Variants in MYO3A observed in about 807,000 individuals in gnomAD.
MYO3A encodes the protein myosin IIIA, also known as myosin-IIIa.
In MYO3A, 180 loss-of-function variants were observed where a neutral mutation model predicts 192.7. That is an observed-to-expected ratio of 0.93 (90% CI 0.83 to 1.06). The LOEUF (loss-of-function observed/expected upper bound fraction) is 1.06. MYO3A is among the 50% of genes least tolerant of loss of function. The pLI, the probability that MYO3A is intolerant of heterozygous loss-of-function variation, is 0.00. For missense variants in MYO3A, 1,896 were observed against 1,905.0 expected, an observed-to-expected ratio of 1.00 and a Z score of 0.09; for synonymous variants, 628 against 645.3, an observed-to-expected ratio of 0.97 and a Z score of 0.41.
intron 4 of MYO3A, among the ~76,000 whole-genome samples, chr10:25,961,575 T>A (rs989420646): frequency 6.6e-6 from 1 of 151,970 alleles, no homozygotes; most frequent in African/African-American, 2.4e-5. Flanking sequence ...AAAAAAAGAA[T>A]AAATTTAGTT....
chr10:26,158,262 T>TA (rs1564607082), intron 26 of MYO3A, among the ~76,000 whole-genome samples: 4 of 152,092 alleles, frequency 2.6e-5, no homozygotes, highest in South Asian at 2.1e-4. Flanking sequence ...TTATTTTTTT[T>TA]TTTTTTTTGA....
intron 14 of MYO3A, among the ~76,000 whole-genome samples, chr10:26,080,536 G>GT (rs146699943): frequency 3.6e-3 from 322 of 90,406 alleles, no homozygotes; most frequent in Middle Eastern, 0.021. Context: ...GTAAATCTGG[G>GT]TTTTTTTTTT....
In MYO3A at chr10:26,106,296, G is replaced by A. The variant is rs919888272; in HGVS notation, c.1776+9614G>A. Reference sequence around the variant, plus strand: ...ACTTTTTGTCTTACAACTTTGTTTAGATGCTGTTTCGAGTTTTTAATAATA... The same window carrying A: ...ACTTTTTGTCTTACAACTTTGTTTAAATGCTGTTTCGAGTTTTTAATAATA... On this transcript the variant is annotated intron_variant, in intron 17 of 34. Coordinates refer to ENST00000642920, the MANE Select transcript of MYO3A (RefSeq NM_017433.5). 3.3e-5 allele frequency among the ~76,000 whole-genome samples: 5 copies of A among 151,966 alleles called. No homozygotes were observed. The East Asian group carries it at 9.6e-4, about 29-fold the overall frequency.
intron 31 of MYO3A, among the ~76,000 whole-genome samples, chr10:26,180,353 A>T (rs1842561985): frequency 6.6e-6 from 1 of 152,228 alleles, no homozygotes; most frequent in Non-Finnish European, 1.5e-5. Flanking sequence ...AAGCAGAAGG[A>T]TATTCTTTAA....
chr10:25,997,372 G>A (rs1366220962), intron 6 of MYO3A, 114 bp downstream of exon 6: 2 of 821,236 alleles, frequency 2.4e-6, no homozygotes, highest in Non-Finnish European at 4.1e-6. Context: ...GGAAAAATCA[G>A]TAGTATCTTA....
At chr10:26,035,209 A>G (rs1357002245) in intron 10 of MYO3A, among the ~76,000 whole-genome samples, 4 of 152,130 alleles carry the variant, frequency 2.6e-5, no homozygotes, top group Non-Finnish European at 5.9e-5. Context: ...TGTCTTAAAT[A>G]TTTCCTTATG....
chr10:26,165,680 A>C (rs907937917), intron 26 of MYO3A, among the ~76,000 whole-genome samples: 2 of 105,988 alleles, frequency 1.9e-5, no homozygotes, highest in African/African-American at 6.8e-5. Context: ...TTTTGTTAAC[A>C]CTCAATGTGA....
rs377347636 is a variant in MYO3A at position 26,178,161 on chromosome 10, G to A, written c.4438+1316G>A. ...GGCCAGGGCTTCAGGTTCCCTCATG[G>A]TCACAGAAGTGGCAGCACTGGTGAG... On this transcript the variant is annotated intron_variant, in intron 31 of 34. Transcript: ENST00000642920. Among the ~76,000 whole-genome samples, 42 of 152,342 alleles carry A rather than the reference G, an allele frequency of 2.8e-4. 1 individual carries two copies. Among genetic ancestry groups the A allele is most frequent in the African/African-American group, 1.0e-3 (42 of 41,586 alleles).
At position 26,050,455 on chromosome 10, in the gene MYO3A, A is replaced by G. The variant is rs200500003; in HGVS notation, c.954-16520A>G. ...GCAGCGGCTCTGGTAATACAGCTCT[A>G]TATGTTAAAGGGACTGTGCCACTCC... On this transcript the variant is annotated intron_variant, in intron 10 of 34. Coordinates refer to ENST00000642920, the MANE Select transcript of MYO3A (RefSeq NM_017433.5). 1.3e-4 allele frequency among the ~76,000 whole-genome samples: 20 copies of G among 152,306 alleles called. 1 individual carries two copies. In the East Asian group the frequency reaches 2.7e-3, roughly 21 times the overall value.
chr10:26,037,774 C>T (rs753419087), intron 10 of MYO3A, among the ~76,000 whole-genome samples: 4 of 151,960 alleles, frequency 2.6e-5, no homozygotes, highest in African/African-American at 7.3e-5. Context: ...GGTGGAAGGG[C>T]GAAAGGGAAG....
chr10:26,079,691 G>T (rs1279590908), intron 14 of MYO3A, among the ~76,000 whole-genome samples: 1 of 152,098 alleles, frequency 6.6e-6, no homozygotes, highest in African/African-American at 2.4e-5. Context: ...GCTCCTTTTA[G>T]CAGTTCTTAT....
At chr10:26,023,121 C>A (rs549546030) in intron 8 of MYO3A, 2 of 152,314 alleles carry the variant, frequency 1.3e-5, no homozygotes, top group African/African-American at 4.8e-5. Context: ...AATTAGCAAT[C>A]TTCAAATTGT....
chr10:26,173,254 G>C (rs1842141660), intron 29 of MYO3A, among the ~76,000 whole-genome samples: 1 of 152,138 alleles, frequency 6.6e-6, no homozygotes, highest in Non-Finnish European at 1.5e-5. Flanking sequence ...TTAAAGTACA[G>C]TATGTCAGCC....
At chr10:25,976,792 A>G (rs1354236033) in intron 4 of MYO3A, among the ~76,000 whole-genome samples, 1 of 152,186 alleles carries the variant, frequency 6.6e-6, no homozygotes, top group Non-Finnish European at 1.5e-5. Context: ...TCAGTCTACT[A>G]TTATAAAATC....
intron 17 of MYO3A, among the ~76,000 whole-genome samples, chr10:26,110,095 G>A (rs188646102): frequency 9.2e-5 from 14 of 152,306 alleles, no homozygotes; most frequent in Admixed American, 3.3e-4. Flanking sequence ...GCAAAAAGTC[G>A]TGAGCTGAAG....
intron 6 of MYO3A, among the ~76,000 whole-genome samples, chr10:26,006,159 A>C (rs531985707): frequency 1.3e-5 from 2 of 152,320 alleles, no homozygotes; most frequent in Admixed American, 6.5e-5. Context: ...TGAAGGCAGA[A>C]ATAAAGATGT....
intron 20 of MYO3A, among the ~76,000 whole-genome samples, chr10:26,137,558 C>T (rs990034421): frequency 5.9e-5 from 9 of 152,084 alleles, no homozygotes; most frequent in Non-Finnish European, 1.2e-4. Context: ...TGAAAAAGAA[C>T]AGAATAACAG....
chr10:26,170,637 G>T (rs1017911592), intron 29 of MYO3A, 98 bp downstream of exon 29: 43 of 1,336,708 alleles, frequency 3.2e-5, no homozygotes, highest in Middle Eastern at 2.6e-4. Flanking sequence ...TACTAGTCAG[G>T]TTCCTGATAC....
intron 4 of MYO3A, among the ~76,000 whole-genome samples, chr10:25,956,509 T>G (rs1588655654): frequency 6.7e-6 from 1 of 148,938 alleles, no homozygotes; most frequent in East Asian, 2.0e-4. Context: ...TTTTTTTTTT[T>G]TTTTTTGTAT....
Sources: allele counts gnomAD v4.1 joint callset (sites outside exome capture counted in the v4.1 genomes callset), GRCh38; gene constraint gnomAD v4.1.1; transcripts MANE v1.5; gene names NCBI Gene and HGNC (gene_info 2026-07-23, HGNC 2026-07-21).